The following CHD9 variants were observed in gnomAD, a reference collection of about 807,000 sequenced individuals.
CHD9 encodes ATP-dependent chromatin remodeler CHD9.
CHD9 carries 77 observed loss-of-function variants against 316.1 expected under a neutral mutation model. That is an observed-to-expected ratio of 0.24 (90% CI 0.20 to 0.29). The LOEUF is 0.29. Among genes scored for constraint, CHD9 ranks in the 10% least tolerant of loss-of-function variants. The probability of loss-of-function intolerance (pLI) is 1.00; values close to 1 mark genes in which losing one functional copy is unlikely to be tolerated. For synonymous variants in CHD9, 1,129 were observed against 1,158.3 expected (o/e 0.97, Z 0.51); for missense variants, 2,763 against 3,438.1 (o/e 0.80, Z 4.91).
intron 22 of CHD9, among the ~76,000 whole-genome samples, chr16:53,273,085 T>C (rs1263770681): frequency 1.0e-4 from 14 of 138,976 alleles, no homozygotes; most frequent in Admixed American, 8.4e-4. Flanking sequence ...TGACTCTGTC[T>C]CAAAAAAAAC....
chr16:53,156,621 C>T lies in CHD9; in HGVS notation c.532C>T (p.Arg178Cys), dbSNP rs369288866. Residue 178 changes from arginine to cysteine, a missense_variant, in exon 2 of 39, where the codon CGC (arginine) becomes TGC (cysteine). By Grantham distance (180) the Arg-to-Cys change is radical. Transcript: ENST00000447540. ...NEQQTQCTSL[R>C]SQQNRNNLNP... ...ACAACAAACACAGTGTACTTCACTACGCTCACAACAAAACAGAAATAATCT... is the reference window on the plus strand; with the variant it reads ...ACAACAAACACAGTGTACTTCACTATGCTCACAACAAAACAGAAATAATCT... 3.2e-5 allele frequency: 51 copies of T among 1,613,790 alleles called. No individual in the cohort carries two copies. The highest frequency in any genetic ancestry group is 1.6e-4 in the Middle Eastern group (1 of 6,084).
At position 53,119,906 on chromosome 16, in the gene CHD9, C is replaced by A. The variant is rs556211620; in HGVS notation, c.-164-36020C>A. Among the ~76,000 whole-genome samples the A allele has an allele frequency of 2.0e-5, 3 of 152,008 alleles. No individual in the cohort carries two copies. The South Asian group carries it at 6.2e-4, about 32-fold the overall frequency. On this transcript the variant is annotated intron_variant, in intron 1 of 38. Transcript: ENST00000447540. ...CATTGCCATTTTCTCTTTTGTTGAA[C>A]CTTATACAAGACAAAATGGATTTAA...
intron 1 of CHD9, chr16:53,121,387 A>G (rs1417030208): frequency 2.2e-6 from 1 of 456,106 alleles, no homozygotes; most frequent in Non-Finnish European, 4.4e-6. Flanking sequence ...TATTTTATCA[A>G]GGAAACCAGC....
chr16:53,243,158 T>TG (rs2049252010), intron 13 of CHD9, 142 bp downstream of exon 13: 2 of 558,432 alleles, frequency 3.6e-6, no homozygotes, highest in East Asian at 3.1e-5. Context: ...TGAGATTTTT[T>TG]GGGGGGCCTT....
chr16:53,154,639 C>T (rs1165223295), intron 1 of CHD9, among the ~76,000 whole-genome samples: 1 of 152,144 alleles, frequency 6.6e-6, no homozygotes, highest in Non-Finnish European at 1.5e-5. Context: ...GGAGCACAGC[C>T]TAGATCACTT....
chr16:53,286,365 G>T, intron 26 of CHD9, 22 bp downstream of exon 26: 1 of 1,267,790 alleles, frequency 7.9e-7, no homozygotes, highest in South Asian at 1.2e-5. Context: ...TCAGAGTCAT[G>T]AATTTTCTAT....
rs774650208 is a variant in CHD9 at position 53,209,529 on chromosome 16, G to A, written c.1500G>A (p.Leu500=). 4.3e-6 allele frequency: 7 copies of A among 1,613,656 alleles called. No homozygotes were observed. Among genetic ancestry groups the A allele is most frequent in the Non-Finnish European group, 5.9e-6 (7 of 1,179,754 alleles). ...ATGGTTCTGGGACATATACTAAGTT[G>A]CAGAATACCCAGGTGAGGGTCATGT... The part of the protein sequence containing the change: ...KSDGSGTYTK[L]QNTQVRVMSE... Residue 500 remains leucine (L), a synonymous_variant, in exon 3 of 39, where the codon TTG becomes TTA. Transcript: ENST00000447540.
intron 34 of CHD9, chr16:53,311,594 A>AC (rs1385269051): frequency 6.6e-6 from 1 of 152,170 alleles, no homozygotes; most frequent in Non-Finnish European, 1.5e-5. Flanking sequence ...TTGTGTAATT[A>AC]CCCCTTGGAA....
At chr16:53,093,729 T>C (rs1158130308) in intron 1 of CHD9, among the ~76,000 whole-genome samples, 1 of 152,180 alleles carries the variant, frequency 6.6e-6, no homozygotes, top group African/African-American at 2.4e-5. Flanking sequence ...GCTTAGAGAA[T>C]TAAGCTAACA....
intron 1 of CHD9, among the ~76,000 whole-genome samples, chr16:53,117,404 C>T (rs991559522): frequency 2.7e-5 from 3 of 111,312 alleles, no homozygotes; most frequent in Non-Finnish European, 4.0e-5. Context: ...AGTTCTCTGA[C>T]GTAATATATA....
intron 2 of CHD9, among the ~76,000 whole-genome samples, chr16:53,163,904 T>C (rs907515010): frequency 2.0e-5 from 3 of 152,214 alleles, no homozygotes; most frequent in Non-Finnish European, 4.4e-5. Flanking sequence ...ATCACATTGA[T>C]CCATCACAAC....
intron 1 of CHD9, among the ~76,000 whole-genome samples, chr16:53,147,662 A>G (rs1461082487): frequency 6.6e-6 from 1 of 152,202 alleles, no homozygotes; most frequent in East Asian, 1.9e-4. Flanking sequence ...CTCAGGGTTC[A>G]TCCATGTTGT....
chr16:53,264,564 T>C (rs2051469216), intron 20 of CHD9, among the ~76,000 whole-genome samples: 1 of 152,206 alleles, frequency 6.6e-6, no homozygotes, highest in African/African-American at 2.4e-5. Context: ...TTCAGCAGTA[T>C]ATATTGGTAA....
chr16:53,283,507 A>G (rs2053595768), intron 24 of CHD9, among the ~76,000 whole-genome samples: 1 of 152,100 alleles, frequency 6.6e-6, no homozygotes, highest in East Asian at 1.9e-4. Context: ...GGTAATCACA[A>G]TGTTTTGAGC....
chr16:53,208,488 C>G, intron 2 of CHD9: 17 of 1,149,250 alleles, frequency 1.5e-5, no homozygotes, highest in Non-Finnish European at 1.8e-5. Context: ...GCTGTTTCCT[C>G]GAGTCTTGGT....
At chr16:53,121,351 AAG>A (rs748360156) in intron 1 of CHD9, 10 of 455,988 alleles carry the variant, frequency 2.2e-5, no homozygotes, top group South Asian at 1.5e-4. Flanking sequence ...CAGATGCACA[AAG>A]AGAAGGAATG....
chr16:53,093,897 A>G (rs1258475705), intron 1 of CHD9, among the ~76,000 whole-genome samples: 2 of 152,152 alleles, frequency 1.3e-5, no homozygotes, highest in Non-Finnish European at 2.9e-5. Flanking sequence ...AGAAGCACAA[A>G]AGAGAACCAG....
rs371954797 is a variant in CHD9 at position 53,238,603 on chromosome 16, T to C, written c.2877+17T>C. 7.9e-5 allele frequency: 127 copies of C among 1,609,176 alleles called. 1 individual carries two copies. In the Middle Eastern group the frequency reaches 3.7e-3, roughly 46 times the overall value. On this transcript the variant is annotated intron_variant, in intron 12 of 38. Transcript: ENST00000447540. The stretch of plus-strand genomic sequence containing the variant: ...GATTCACAGGTGTGTTATTGATTAT[T>C]TTGTTTGTTGTTTGAAAGGTCAGGG...
intron 1 of CHD9, among the ~76,000 whole-genome samples, chr16:53,077,091 A>T (rs2034598836): frequency 6.7e-6 from 1 of 148,820 alleles, no homozygotes; most frequent in Non-Finnish European, 1.5e-5. Flanking sequence ...GGGTTCAAGC[A>T]ATTCTCCTAC....
Sources: gnomAD v4.1 joint callset for allele counts (sites outside exome capture counted in the v4.1 genomes callset) on GRCh38, gnomAD v4.1.1 for gene constraint, MANE v1.5 for transcripts, NCBI Gene and HGNC (gene_info 2026-07-23, HGNC 2026-07-21) for gene names.